Variants in PLCB4 observed in about 807,000 individuals in gnomAD.
The protein encoded by PLCB4 is 1-phosphatidylinositol 4,5-bisphosphate phosphodiesterase beta-4.
A neutral mutation model predicts 178.8 loss-of-function variants in PLCB4; 77 were observed. The observed-to-expected ratio is 0.43, with a 90% CI of 0.36 to 0.52. The LOEUF is 0.52. Among genes scored for constraint, PLCB4 ranks in the 20% least tolerant of loss-of-function variants. PLCB4 has a pLI of 0.00. For synonymous variants in PLCB4, 496 were observed against 490.8 expected (o/e 1.01, Z -0.14); for missense variants, 1,024 against 1,453.4 (o/e 0.70, Z 4.80).
chr20:9,316,743 G>GCCCGAA (rs2094903614), intron 4 of PLCB4, among the ~76,000 whole-genome samples: 1 of 152,146 alleles, frequency 6.6e-6, no homozygotes, highest in Admixed American at 6.5e-5. Flanking sequence ...ACCTCAGTTG[G>GCCCGAA]CCCGAACACT....
At chr20:9,313,054 T>C (rs1010110241) in intron 4 of PLCB4, among the ~76,000 whole-genome samples, 5 of 152,324 alleles carry the variant, frequency 3.3e-5, no homozygotes, top group African/African-American at 1.2e-4. Context: ...AATCATGCTT[T>C]GATGTAACAA....
At chr20:9,387,205 A>G (rs1436623313) in intron 14 of PLCB4, among the ~76,000 whole-genome samples, 1 of 152,034 alleles carries the variant, frequency 6.6e-6, no homozygotes, top group Non-Finnish European at 1.5e-5. Flanking sequence ...CACAAGTAGG[A>G]TTTCATCCAG....
chr20:9,248,231 A>G (rs1355259580), intron 3 of PLCB4, among the ~76,000 whole-genome samples: 1 of 152,166 alleles, frequency 6.6e-6, no homozygotes, highest in African/African-American at 2.4e-5. Context: ...ATGTGTGTTT[A>G]TCCATGTACT....
chr20:9,109,052 A>G lies in PLCB4; in HGVS notation c.-79+12710A>G, dbSNP rs375890423. Among the ~76,000 whole-genome samples the G allele has an allele frequency of 7.2e-5, 11 of 152,184 alleles. No homozygotes were observed. In the East Asian group the frequency reaches 2.1e-3, roughly 29 times the overall value. ...CAAAAAAAAGTGTTAGCTGCTCTTA[A>G]CACTAACTTTAGCCTGAATAGACTT... On this transcript the variant is annotated intron_variant, in intron 2 of 39. Transcript: ENST00000378473.
chr20:9,374,457 T>C (rs2148314557), intron 12 of PLCB4, among the ~76,000 whole-genome samples: 1 of 152,308 alleles, frequency 6.6e-6, no homozygotes, highest in Non-Finnish European at 1.5e-5. Flanking sequence ...TTTTTTGGTT[T>C]CTTGTTTTGT....
Position 9,421,400 on chromosome 20 carries a change from G to T in PLCB4, c.2258G>T (p.Arg753Leu). 1 of 1,613,786 alleles carries T rather than the reference G, an allele frequency of 6.2e-7. No individual in the cohort carries two copies. The highest frequency in any genetic ancestry group is 8.5e-7 in the Non-Finnish European group (1 of 1,179,764). The stretch of plus-strand genomic sequence containing the variant: ...ACCATACGTAAGGAATTCCGAACTC[G>T]CATGGTTATGAATAATGGACTCAAT... ...TDTIRKEFRT[R>L]MVMNNGLNPV... Residue 753 changes from arginine (R) to leucine (L), a missense_variant, in exon 27 of 40, where the codon CGC (arginine) becomes CTC (leucine). By Grantham distance (102) the Arg-to-Leu change is moderately radical (BLOSUM62 -2). Coordinates refer to ENST00000378473, the MANE Select transcript of PLCB4 (RefSeq NM_001377142.1).
At position 9,459,690 on chromosome 20, in the gene PLCB4, A is replaced by T; in HGVS notation, c.3128A>T (p.His1043Leu). ...GAATGGTCAGAAATGATCAATACCC[A>T]CAGTGCTGAGGAGCAAGAAATCCGA... is the stretch of plus-strand genomic sequence containing the variant. ...TKEWSEMINT[H>L]SAEEQEIRDL... is the part of the protein sequence containing the mutation. Residue 1043 changes from histidine (H) to leucine (L), a missense_variant, in exon 35 of 40, where the codon CAC becomes CTC. His to Leu is a moderately conservative substitution (Grantham distance 99). Around this residue, in one of 7 missense-constraint regions of PLCB4, gnomAD observed 264 missense variants for 283.2 expected, o/e 0.93. Coordinates refer to ENST00000378473, the MANE Select transcript of PLCB4 (RefSeq NM_001377142.1). The T allele has an allele frequency of 6.2e-7, 1 of 1,613,180 alleles. No homozygotes were observed. Among genetic ancestry groups the T allele is most frequent in the Non-Finnish European group, 8.5e-7 (1 of 1,179,230 alleles).
At chr20:9,347,381 A>G (rs921265797) in intron 7 of PLCB4, among the ~76,000 whole-genome samples, 1 of 152,198 alleles carries the variant, frequency 6.6e-6, no homozygotes, top group African/African-American at 2.4e-5. Context: ...GTGCAAAATG[A>G]CAAACATGTC....
chr20:9,081,768 C>CAAAAAAAAAAAA (rs10629831), intron 1 of PLCB4, among the ~76,000 whole-genome samples: 36 of 90,428 alleles, frequency 4.0e-4, no homozygotes, highest in Middle Eastern at 9.4e-3. Flanking sequence ...GATGATTAAG[C>CAAAAAAAAAAAA]AAAAAAAAAA....
At chr20:9,373,786 C>A (rs1401227874) in intron 12 of PLCB4, among the ~76,000 whole-genome samples, 1 of 151,986 alleles carries the variant, frequency 6.6e-6, no homozygotes, top group African/African-American at 2.4e-5. Flanking sequence ...TATTTTCGAA[C>A]AAAAAAAGTT....
intron 32 of PLCB4, among the ~76,000 whole-genome samples, chr20:9,447,740 G>T (rs2042502580): frequency 6.6e-6 from 1 of 152,228 alleles, no homozygotes; most frequent in Admixed American, 6.5e-5. Context: ...TTTTTAAGTG[G>T]TGGAGTCAGG....
At chr20:9,161,103 A>G (rs2146980555) in intron 2 of PLCB4, among the ~76,000 whole-genome samples, 1 of 152,304 alleles carries the variant, frequency 6.6e-6, no homozygotes, top group South Asian at 2.1e-4. Context: ...GAGATATGTA[A>G]AAGTTTTTAG....
At chr20:9,277,382 A>G (rs886883077) in intron 3 of PLCB4, among the ~76,000 whole-genome samples, 7 of 152,068 alleles carry the variant, frequency 4.6e-5, no homozygotes, top group Non-Finnish European at 7.4e-5. Context: ...TTCTAAAAAG[A>G]ACAGCTTTGT....
At chr20:9,339,233 C>T (rs964645319) in intron 7 of PLCB4, among the ~76,000 whole-genome samples, 196 bp downstream of exon 7, 1 of 152,092 alleles carries the variant, frequency 6.6e-6, no homozygotes, top group Non-Finnish European at 1.5e-5. Flanking sequence ...GGCCAACAAC[C>T]CAAATACCTA....
chr20:9,093,772 G>A (rs1202107261), intron 1 of PLCB4, among the ~76,000 whole-genome samples: 2 of 151,912 alleles, frequency 1.3e-5, no homozygotes, highest in Non-Finnish European at 2.9e-5. Flanking sequence ...TCCAGTAGTG[G>A]CATCTGGCGG....
At chr20:9,243,307 A>C (rs1270571025) in intron 3 of PLCB4, among the ~76,000 whole-genome samples, 5 of 152,250 alleles carry the variant, frequency 3.3e-5, no homozygotes, top group East Asian at 3.8e-4. Context: ...GATTTTATTT[A>C]AAGGGAATGC....
chr20:9,225,110 A>G (rs1025891380), intron 3 of PLCB4, among the ~76,000 whole-genome samples: 2 of 152,222 alleles, frequency 1.3e-5, no homozygotes, highest in African/African-American at 4.8e-5. Flanking sequence ...GAAGGGCTAG[A>G]TATTCAAAAA....
At chr20:9,450,196 A>G (rs57472700) in intron 32 of PLCB4, among the ~76,000 whole-genome samples, 1 of 152,088 alleles carries the variant, frequency 6.6e-6, no homozygotes, top group Non-Finnish European at 1.5e-5. Context: ...TGAGAAATGT[A>G]TGTCTCTTCA....
chr20:9,154,986 G>T (rs904679072), intron 2 of PLCB4, among the ~76,000 whole-genome samples: 1 of 136,106 alleles, frequency 7.3e-6, no homozygotes, highest in Non-Finnish European at 1.6e-5. Flanking sequence ...GGGTACAAGT[G>T]GTTTTTGGTT....
Sources: allele counts gnomAD v4.1 joint callset (sites outside exome capture counted in the v4.1 genomes callset), GRCh38; gene constraint gnomAD v4.1.1; regional missense constraint gnomAD v4.1.1; transcripts MANE v1.5; gene names NCBI Gene and HGNC (gene_info 2026-07-23, HGNC 2026-07-21).